Variants in BBX observed in about 807,000 individuals in gnomAD.
The protein encoded by BBX is BBX high mobility group box domain containing.
In BBX, 30 loss-of-function variants were observed where a neutral mutation model predicts 100.2. That is an observed-to-expected ratio of 0.30 (90% CI 0.22 to 0.41). The LOEUF is 0.41. BBX is among the 10% of genes least tolerant of loss of function. The probability of loss-of-function intolerance (pLI) is 1.00; values close to 1 mark genes in which losing one functional copy is unlikely to be tolerated. For missense variants in BBX, 1,023 were observed against 1,129.8 expected, an observed-to-expected ratio of 0.91 and a Z score of 1.35; for synonymous variants, 376 against 388.1, an observed-to-expected ratio of 0.97 and a Z score of 0.37.
intron 2 of BBX, among the ~76,000 whole-genome samples, chr3:107,574,245 A>G (rs1460836697): frequency 2.0e-5 from 3 of 152,228 alleles, no homozygotes; most frequent in African/African-American, 7.2e-5. Flanking sequence ...ATAAACGAGA[A>G]ATTTGAGACC....
At chr3:107,586,931 A>G (rs1055087632) in intron 2 of BBX, among the ~76,000 whole-genome samples, 2 of 151,888 alleles carry the variant, frequency 1.3e-5, no homozygotes, top group African/African-American at 4.8e-5. Context: ...TTGTATTTTT[A>G]GTAGAAATGG....
chr3:107,740,369 C>G (rs2063988114), intron 7 of BBX, among the ~76,000 whole-genome samples: 1 of 151,536 alleles, frequency 6.6e-6, no homozygotes, highest in Admixed American at 6.6e-5. Context: ...CCCTTTCCCT[C>G]AGCTCTGACA....
chr3:107,662,129 G>A (rs2058480895), intron 3 of BBX, among the ~76,000 whole-genome samples: 1 of 152,220 alleles, frequency 6.6e-6, no homozygotes. Context: ...AAAGCTGACA[G>A]ATAATCATAT....
At chr3:107,548,462 G>T (rs1490682733) in intron 2 of BBX, among the ~76,000 whole-genome samples, 1 of 152,132 alleles carries the variant, frequency 6.6e-6, no homozygotes, top group Non-Finnish European at 1.5e-5. Context: ...GTTTTTGGGA[G>T]ATGTTTTGGG....
intron 3 of BBX, among the ~76,000 whole-genome samples, chr3:107,658,819 G>A (rs2058286466): frequency 1.3e-5 from 2 of 152,084 alleles, no homozygotes; most frequent in South Asian, 4.1e-4. Flanking sequence ...CTGAGTCTCA[G>A]AACATTTAAA....
At chr3:107,698,212 G>T (rs2060791281) in intron 3 of BBX, among the ~76,000 whole-genome samples, 1 of 151,670 alleles carries the variant, frequency 6.6e-6, no homozygotes, top group Non-Finnish European at 1.5e-5. Context: ...CGGCCATCTT[G>T]GCTCCTCCCG....
chr3:107,584,792 A>C (rs1239794835), intron 2 of BBX, among the ~76,000 whole-genome samples: 1 of 137,756 alleles, frequency 7.3e-6, no homozygotes, highest in African/African-American at 2.8e-5. Flanking sequence ...TCCGGGTTCA[A>C]GCAGTTCTCC....
chr3:107,616,889 A>G (rs2055333277), intron 2 of BBX, among the ~76,000 whole-genome samples: 1 of 152,144 alleles, frequency 6.6e-6, no homozygotes, highest in African/African-American at 2.4e-5. Context: ...AAATGTTTCA[A>G]ATTTCAAAGT....
chr3:107,651,993 C>T (rs1203862143), intron 3 of BBX, among the ~76,000 whole-genome samples: 5 of 152,184 alleles, frequency 3.3e-5, no homozygotes, highest in African/African-American at 1.2e-4. Context: ...AACTAAGAAC[C>T]CATGACTGAA....
chr3:107,692,756 C>A (rs1195078186), intron 3 of BBX, among the ~76,000 whole-genome samples: 1 of 149,780 alleles, frequency 6.7e-6, no homozygotes, highest in Non-Finnish European at 1.5e-5. Context: ...AGTTCTAGAT[C>A]CCTGAGGAAT....
chr3:107,790,202 C>A (rs1331347949), intron 14 of BBX, among the ~76,000 whole-genome samples: 1 of 152,130 alleles, frequency 6.6e-6, no homozygotes, highest in East Asian at 1.9e-4. Flanking sequence ...TTTGACTATT[C>A]TTGGTTTTCA....
rs1233074770 is a variant in BBX, at chr3:107,793,755, T to C, written c.2353+2456T>C. 2.0e-5 allele frequency among the ~76,000 whole-genome samples: 3 copies of C among 152,214 alleles called. No homozygotes were observed. In the East Asian group the frequency reaches 5.8e-4, roughly 29 times the overall value. ...ATAGAAATATTGAGTCAACTGATGC[T>C]ATATAACTGTTCAGCTATTCTGATT... is the stretch of plus-strand genomic sequence containing the variant. On this transcript the variant is annotated intron_variant, in intron 15 of 17. Coordinates refer to ENST00000325805, the MANE Select transcript of BBX (RefSeq NM_001142568.3).
Position 107,692,660 on chromosome 3 carries a change from G to A in BBX, c.-9-17792G>A, listed in dbSNP as rs543608990. Among the ~76,000 whole-genome samples, 30 of 150,752 alleles carry A rather than the reference G, an allele frequency of 2.0e-4. No homozygotes were observed. The South Asian group carries it at 2.6e-3, about 13-fold the overall frequency. ...GTGAATAGTGCCACAATAAACATACGTGTGCATGTGTCTTTATAGCAGCAT... is the reference window on the plus strand; with the variant it reads ...GTGAATAGTGCCACAATAAACATACATGTGCATGTGTCTTTATAGCAGCAT... On this transcript the variant is annotated intron_variant, in intron 3 of 17. Transcript: ENST00000325805.
chr3:107,594,376 T>C (rs1251374062), intron 2 of BBX, among the ~76,000 whole-genome samples: 5 of 152,170 alleles, frequency 3.3e-5, no homozygotes, highest in African/African-American at 1.2e-4. Flanking sequence ...TAGTCAAGTT[T>C]TTGTCTCTTT....
chr3:107,567,332 T>G (rs1228079095), intron 2 of BBX, among the ~76,000 whole-genome samples: 1 of 152,162 alleles, frequency 6.6e-6, no homozygotes, highest in Non-Finnish European at 1.5e-5. Context: ...GATTTGTCTC[T>G]TATTTTCAGA....
chr3:107,647,379 C>G (rs1289829333), intron 3 of BBX, among the ~76,000 whole-genome samples: 1 of 152,130 alleles, frequency 6.6e-6, no homozygotes, highest in Non-Finnish European at 1.5e-5. Flanking sequence ...ACCAAGATTA[C>G]CATGGCAGAC....
chr3:107,784,603 G>T (rs1021913603), intron 13 of BBX, among the ~76,000 whole-genome samples: 1 of 151,818 alleles, frequency 6.6e-6, no homozygotes, highest in African/African-American at 2.4e-5. Context: ...ACTTTGAAAT[G>T]AATAAAAATG....
At chr3:107,600,966 C>A (rs1040793764) in intron 2 of BBX, among the ~76,000 whole-genome samples, 1 of 152,176 alleles carries the variant, frequency 6.6e-6, no homozygotes, top group Non-Finnish European at 1.5e-5. Context: ...TCTATCAGCA[C>A]CACTTTGCCA....
At chr3:107,576,502 T>G (rs2051785198) in intron 2 of BBX, among the ~76,000 whole-genome samples, 1 of 152,216 alleles carries the variant, frequency 6.6e-6, no homozygotes, top group Non-Finnish European at 1.5e-5. Flanking sequence ...CAGTTTTGCC[T>G]TAGAAGGTTT....
Sources: gnomAD v4.1 joint callset for allele counts (sites outside exome capture counted in the v4.1 genomes callset) on GRCh38, gnomAD v4.1.1 for gene constraint, MANE v1.5 for transcripts, NCBI Gene and HGNC (gene_info 2026-07-23, HGNC 2026-07-21) for gene names.